Variants in ACOXL observed in about 807,000 individuals in gnomAD.
ACOXL encodes the protein acyl-coenzyme A oxidase-like protein.
In ACOXL, 70 loss-of-function variants were observed where a neutral mutation model predicts 71.9. The observed-to-expected ratio is 0.97, with a 90% CI of 0.80 to 1.19. The LOEUF is 1.19. Among genes scored for constraint, ACOXL ranks in the 50% most tolerant of loss-of-function variants. The pLI, the probability that ACOXL is intolerant of heterozygous loss-of-function variation, is 0.00. For missense variants in ACOXL, 703 were observed against 736.3 expected (o/e 0.95, Z 0.52); for synonymous variants, 253 against 281.6 (o/e 0.90, Z 1.02).
chr2:111,093,635 C>T (rs13025330), intron 17 of ACOXL: 258,553 of 1,202,328 alleles, frequency 0.22, 29,727 homozygotes, highest in East Asian at 0.45. Flanking sequence ...GAGGCTGAGG[C>T]GGGCAGATCT....
Position 110,794,128 on chromosome 2 carries a change from A to G in ACOXL, c.299A>G (p.Asn100Ser), listed in dbSNP as rs1374204425. 5.0e-6 allele frequency: 8 copies of G among 1,613,976 alleles called. No individual in the cohort carries two copies. Among genetic ancestry groups the G allele is most frequent in the South Asian group, 4.4e-5 (4 of 91,080 alleles). The change falls in exon 5 of 18, where the codon AAC (asparagine) becomes AGC (serine). Residue 100 changes from asparagine to serine, a missense_variant. By Grantham distance (46) the Asn-to-Ser change is conservative. Transcript: ENST00000439055. ...ATGACCGAGAGGGGCCATGGGAGCA[A>G]CGCGAGAGGGATCCAGACCGAAGCC... ...FAMTERGHGSNARGIQTEATF... is the reference protein window; with the variant it reads ...FAMTERGHGSSARGIQTEATF...
intron 11 of ACOXL, among the ~76,000 whole-genome samples, chr2:110,909,467 A>T (rs1243407155): frequency 6.6e-6 from 1 of 152,046 alleles, no homozygotes; most frequent in Non-Finnish European, 1.5e-5. Context: ...TCGTGTTATC[A>T]TCATCCCCGC....
chr2:110,773,189 ATTATT>A (rs1321377202), intron 2 of ACOXL, among the ~76,000 whole-genome samples: 6 of 152,092 alleles, frequency 3.9e-5, no homozygotes, highest in Non-Finnish European at 5.9e-5. Context: ...TATTATGACT[ATTATT>A]TTTATCAGAA....
chr2:111,075,582 T>A (rs1402641600), intron 16 of ACOXL, among the ~76,000 whole-genome samples: 1 of 152,002 alleles, frequency 6.6e-6, no homozygotes, highest in Non-Finnish European at 1.5e-5. Flanking sequence ...ATTTCTGTTT[T>A]TATATTTATT....
intron 11 of ACOXL, among the ~76,000 whole-genome samples, chr2:110,928,699 C>T (rs2060369966): frequency 6.6e-6 from 1 of 152,156 alleles, no homozygotes; most frequent in African/African-American, 2.4e-5. Context: ...GGCTGTGTCC[C>T]CACTCAAATC....
chr2:111,055,482 T>G (rs2066489598), intron 16 of ACOXL, among the ~76,000 whole-genome samples: 1 of 152,234 alleles, frequency 6.6e-6, no homozygotes, highest in Admixed American at 6.5e-5. Context: ...TGTCCTTCCT[T>G]CTGCAGGTGG....
intron 16 of ACOXL, among the ~76,000 whole-genome samples, chr2:111,063,184 T>G (rs1050076301): frequency 6.6e-6 from 1 of 152,130 alleles, no homozygotes; most frequent in Admixed American, 6.5e-5. Context: ...CCCAGATACT[T>G]TCAGTGGTTA....
At chr2:111,090,609 C>T (rs565853998) in intron 16 of ACOXL, among the ~76,000 whole-genome samples, 1 of 152,278 alleles carries the variant, frequency 6.6e-6, no homozygotes, top group African/African-American at 2.4e-5. Context: ...TTCTCAAGTC[C>T]AAAGAAGGGA....
At chr2:111,003,098 A>G (rs1236764942) in intron 14 of ACOXL, among the ~76,000 whole-genome samples, 2 of 152,222 alleles carry the variant, frequency 1.3e-5, no homozygotes, top group Non-Finnish European at 2.9e-5. Flanking sequence ...TTTTCTGCTT[A>G]TAGTTGTTCT....
In ACOXL at chr2:110,804,110, C is replaced by T. The variant is rs544088312; in HGVS notation, c.621-1153C>T. Among the ~76,000 whole-genome samples, 3 of 151,994 alleles carry T rather than the reference C, an allele frequency of 2.0e-5. No homozygotes were observed. In the East Asian group the frequency reaches 5.8e-4, roughly 29 times the overall value. On this transcript the variant is annotated intron_variant, in intron 8 of 17. Coordinates refer to ENST00000439055, the MANE Select transcript of ACOXL (RefSeq NM_001142807.4). ...CAAGTGATTCTTTTGCCTCAACCTC[C>T]TGAGTACCTGGGATTACAGGCATGC...
chr2:110,900,379 G>A (rs983213539), intron 10 of ACOXL, among the ~76,000 whole-genome samples: 6 of 152,174 alleles, frequency 3.9e-5, no homozygotes, highest in Non-Finnish European at 8.8e-5. Flanking sequence ...AGACTCCAGA[G>A]TTAATGGTAA....
At position 111,071,780 on chromosome 2, in the gene ACOXL, C is replaced by T. The variant is rs1440884543; in HGVS notation, c.1441-21085C>T. On this transcript the variant is annotated intron_variant, in intron 16 of 17. Transcript: ENST00000439055. ...TTGTCATAAATTGTAGGCAAACTCC[C>T]TTCGTTCTGTTGTTGGTCCCAGTGG... is the stretch of plus-strand genomic sequence containing the variant. 6.6e-5 allele frequency among the ~76,000 whole-genome samples: 10 copies of T among 152,342 alleles called. No individual in the cohort carries two copies. In the East Asian group the frequency reaches 1.9e-3, roughly 29 times the overall value.
chr2:110,848,671 C>T (rs1259518248), intron 10 of ACOXL, among the ~76,000 whole-genome samples: 3 of 152,154 alleles, frequency 2.0e-5, no homozygotes, highest in African/African-American at 7.2e-5. Flanking sequence ...TCCCCTGTCT[C>T]CTTTGGGTTG....
intron 2 of ACOXL, among the ~76,000 whole-genome samples, chr2:110,776,549 A>G (rs1682676440): frequency 6.6e-6 from 1 of 152,058 alleles, no homozygotes; most frequent in Non-Finnish European, 1.5e-5. Flanking sequence ...GGAGCGAGAC[A>G]GCTGGAGGTC....
chr2:111,062,093 G>A (rs975214891), intron 16 of ACOXL, among the ~76,000 whole-genome samples: 2 of 151,862 alleles, frequency 1.3e-5, no homozygotes, highest in Non-Finnish European at 2.9e-5. Flanking sequence ...CTGTGTATAG[G>A]GTGATATAGA....
intron 15 of ACOXL, among the ~76,000 whole-genome samples, chr2:111,035,366 G>A (rs765764735): frequency 3.3e-5 from 5 of 152,154 alleles, no homozygotes; most frequent in East Asian, 3.8e-4. Flanking sequence ...ATGATAAATC[G>A]TTATTTTTCT....
At chr2:110,971,253 C>T (rs575905663) in intron 12 of ACOXL, among the ~76,000 whole-genome samples, 3 of 152,176 alleles carry the variant, frequency 2.0e-5, no homozygotes, top group African/African-American at 7.2e-5. Context: ...AAATGCAAAT[C>T]AAAACTCCTA....
rs907932326 is a variant in ACOXL, at chr2:110,806,911, G to A, written c.753+1516G>A. ...GGGGTGGTGCAGACCAGACCAGGCA[G>A]AGGTGGGAGCCTTCCAGGAGGGCCT... On this transcript the variant is annotated intron_variant, in intron 9 of 17. Transcript: ENST00000439055. 1.6e-4 allele frequency among the ~76,000 whole-genome samples: 24 copies of A among 152,180 alleles called. No individual in the cohort carries two copies. The East Asian group carries it at 4.3e-3, about 27-fold the overall frequency.
chr2:111,095,346 T>G (rs1006418590), intron 17 of ACOXL, among the ~76,000 whole-genome samples: 2 of 151,922 alleles, frequency 1.3e-5, no homozygotes, highest in Non-Finnish European at 1.5e-5. Context: ...GGAAATGAAC[T>G]TTCATATAAA....
Sources: allele counts gnomAD v4.1 joint callset (sites outside exome capture counted in the v4.1 genomes callset), GRCh38; gene constraint gnomAD v4.1.1; transcripts MANE v1.5; gene names NCBI Gene and HGNC (gene_info 2026-07-23, HGNC 2026-07-21).